The following MBTPS1 variants were observed in gnomAD, a reference collection of about 807,000 sequenced individuals.
The protein encoded by MBTPS1 is membrane bound transcription factor peptidase, site 1, also known as membrane-bound transcription factor site-1 protease.
MBTPS1 carries 94 observed loss-of-function variants against 127.8 expected under a neutral mutation model. The ratio of observed to expected loss-of-function variants is 0.74; its 90% CI spans 0.62 to 0.87. MBTPS1 has a LOEUF of 0.87. Among genes scored for constraint, MBTPS1 ranks in the 40% least tolerant of loss-of-function variants. The pLI is 0.00. For missense variants in MBTPS1, 1,636 were observed against 1,353.2 expected, an observed-to-expected ratio of 1.21 and a Z score of -3.28; for synonymous variants, 632 against 509.4, an observed-to-expected ratio of 1.24 and a Z score of -3.24.
intron 12 of MBTPS1, chr16:84,072,028 C>G (rs755232759): frequency 6.6e-6 from 1 of 152,286 alleles, no homozygotes; most frequent in Non-Finnish European, 1.5e-5. Flanking sequence ...TTACCCCCAT[C>G]TAAGCTGAAA....
intron 11 of MBTPS1, 192 bp from the exon 12 acceptor site, chr16:84,074,933 C>T (rs1036240366): frequency 4.1e-6 from 2 of 482,812 alleles, no homozygotes; most frequent in Non-Finnish European, 3.7e-6. Context: ...TGCCAGCCTG[C>T]TGTCTATACA....
At chr16:84,094,702 G>T (rs1567497260) in intron 4 of MBTPS1, among the ~76,000 whole-genome samples, 1 of 152,122 alleles carries the variant, frequency 6.6e-6, no homozygotes, top group Non-Finnish European at 1.5e-5. Context: ...CATTTGGTTT[G>T]GGGGGAATAA....
chr16:84,070,635 C>T lies in MBTPS1; in HGVS notation c.1735G>A (p.Ala579Thr), dbSNP rs201535353. ...ACAGTGATCATGACATGGCCCTGAG[C>T]AATGCCTTCCCAGGAAGCCGCTTTC... ...TKKAASWEGI[A>T]QGHVMITVAS... The change falls in exon 13 of 23, where the codon GCT becomes ACT. Residue 579 changes from alanine (A) to threonine (T), a missense_variant. Ala to Thr is a moderately conservative substitution (Grantham distance 58, BLOSUM62 0). Transcript: ENST00000343411. 195 of 1,613,382 alleles carry T rather than the reference C, an allele frequency of 1.2e-4. No homozygotes were observed. Among genetic ancestry groups the T allele is most frequent in the Non-Finnish European group, 1.6e-4 (185 of 1,179,926 alleles).
intron 22 of MBTPS1, 39 bp downstream of exon 22, chr16:84,055,966 G>C (rs751034901): frequency 6.3e-7 from 1 of 1,595,956 alleles, no homozygotes; most frequent in Non-Finnish European, 8.6e-7. Flanking sequence ...ACAAAATACA[G>C]GATGACTGAG....
At chr16:84,114,738 G>A (rs1200857074) in intron 1 of MBTPS1, among the ~76,000 whole-genome samples, 1 of 150,718 alleles carries the variant, frequency 6.6e-6, no homozygotes, top group Non-Finnish European at 1.5e-5. Context: ...GCTGAGGCAG[G>A]AGAATCGCTT....
chr16:84,081,120 T>G (rs2085933948), intron 11 of MBTPS1, among the ~76,000 whole-genome samples: 1 of 152,208 alleles, frequency 6.6e-6, no homozygotes. Context: ...CAAGGTTCAT[T>G]TCCAGACTCT....
intron 18 of MBTPS1, among the ~76,000 whole-genome samples, chr16:84,065,358 CT>C (rs1319955980): frequency 5.9e-5 from 9 of 152,148 alleles, no homozygotes; most frequent in African/African-American, 2.2e-4. Flanking sequence ...ACCTCATGAT[CT>C]GCCTGCCTCA....
At chr16:84,113,767 C>G (rs1174569113) in intron 1 of MBTPS1, among the ~76,000 whole-genome samples, 1 of 152,174 alleles carries the variant, frequency 6.6e-6, no homozygotes, top group Admixed American at 6.5e-5. Flanking sequence ...AACTAGTTTA[C>G]TAAAATAGCT....
Position 84,066,752 on chromosome 16 carries a change from G to GGCT in MBTPS1, c.2229-140_2229-139insAGC. The GGCT allele has an allele frequency of 3.6e-6, 3 of 838,508 alleles. No individual in the cohort carries two copies. In the Admixed American group the frequency reaches 8.8e-5, roughly 25 times the overall value. 51.9% of individuals were successfully genotyped at this position (838,508 alleles called of 1,614,324 possible). On this transcript the variant is annotated intron_variant, in intron 16 of 22. Transcript: ENST00000343411. ...ACTAAGGCTTCAACTGAAACCAACT[G>GGCT]TCTGGGTTTGGGTAAAACTGCAAAT...
chr16:84,090,958 T>C lies in MBTPS1; in HGVS notation c.964-16A>G. On this transcript the variant is annotated splice_polypyrimidine_tract_variant and intron_variant, in intron 7 of 22. Coordinates refer to ENST00000343411, the MANE Select transcript of MBTPS1 (RefSeq NM_003791.4). ...ATTCCCACACCTACAAAAGGAGCAT[T>C]TATTTAATGAAAGTATCCCTTTCAT... 6.3e-7 allele frequency: 1 copy of C among 1,577,522 alleles called. No individual in the cohort carries two copies. The highest frequency in any genetic ancestry group is 8.7e-7 in the Non-Finnish European group (1 of 1,148,900).
rs202232986 is a variant in MBTPS1, at chr16:84,091,876, A to C, written c.847-28T>G. 3.9e-6 allele frequency: 5 copies of C among 1,291,742 alleles called. No individual in the cohort carries two copies. In the East Asian group the frequency reaches 1.2e-4, roughly 30 times the overall value. The allele number at this position is 1,291,742 out of a possible 1,614,324, so 80.0% of individuals were successfully genotyped here. ...AGTTAAATATTATAACAGTCTGCTT[A>C]GTGTTTCAATCAAGTTTTAAAGTGC... On this transcript the variant is annotated intron_variant, in intron 6 of 22. Coordinates refer to ENST00000343411, the MANE Select transcript of MBTPS1 (RefSeq NM_003791.4).
chr16:84,064,762 A>T (rs915921884), intron 18 of MBTPS1, among the ~76,000 whole-genome samples: 15 of 152,252 alleles, frequency 9.9e-5, no homozygotes, highest in African/African-American at 3.1e-4. Context: ...TAAAGGTGAA[A>T]TATAACCTAT....
At position 84,063,182 on chromosome 16, in the gene MBTPS1, G is replaced by A. The variant is rs557168662; in HGVS notation, c.2572+123C>T. 6 of 1,004,482 alleles carry A rather than the reference G, an allele frequency of 6.0e-6. No homozygotes were observed. The South Asian group carries it at 8.2e-5, about 14-fold the overall frequency. The allele number at this position is 1,004,482 out of a possible 1,614,324, so 62.2% of individuals were successfully genotyped here. A position where few individuals can be genotyped will look rare whatever the true frequency, so the allele number is the denominator to read the frequency against. On this transcript the variant is annotated intron_variant, in intron 19 of 22. Coordinates refer to ENST00000343411, the MANE Select transcript of MBTPS1 (RefSeq NM_003791.4). ...CAAAGTGACTGCAACATCTCCAGCT[G>A]AGCCTGGCTCAAGTGAACAGATGTC...
chr16:84,096,216 T>A (rs1459923042), intron 3 of MBTPS1, among the ~76,000 whole-genome samples: 1 of 152,148 alleles, frequency 6.6e-6, no homozygotes, highest in African/African-American at 2.4e-5. Context: ...TTACTATAAG[T>A]TTCACTAGAT....
chr16:84,070,436 C>T (rs547474850), intron 13 of MBTPS1, 152 bp downstream of exon 13: 13 of 735,020 alleles, frequency 1.8e-5, no homozygotes, highest in African/African-American at 7.1e-5. Context: ...CCAGCTGCTC[C>T]GGAGGCCCTG....
intron 11 of MBTPS1, among the ~76,000 whole-genome samples, chr16:84,076,154 A>C (rs1012300643): frequency 2.0e-5 from 3 of 152,238 alleles, no homozygotes; most frequent in African/African-American, 7.2e-5. Flanking sequence ...TAAACCATAT[A>C]TATTAATAGG....
chr16:84,092,806 G>A (rs1177797479), intron 6 of MBTPS1, among the ~76,000 whole-genome samples: 1 of 152,184 alleles, frequency 6.6e-6, no homozygotes, highest in Admixed American at 6.5e-5. Context: ...AGCTCAAGGT[G>A]GTAGGAACCC....
chr16:84,070,059 C>T (rs1388188562), intron 13 of MBTPS1, 21 bp from the exon 14 acceptor site: 1 of 1,551,184 alleles, frequency 6.4e-7, no homozygotes. Context: ...AGAAAAGAAA[C>T]TTGAAACGCC....
chr16:84,059,661 T>C (rs2085576702), intron 20 of MBTPS1: 1 of 402,478 alleles, frequency 2.5e-6, no homozygotes, highest in Non-Finnish European at 4.6e-6. Context: ...ACCGTTCCCT[T>C]GAAGATGGGC....
Sources: gnomAD v4.1 joint callset for allele counts (sites outside exome capture counted in the v4.1 genomes callset) on GRCh38, gnomAD v4.1.1 for gene constraint, MANE v1.5 for transcripts, NCBI Gene and HGNC (gene_info 2026-07-23, HGNC 2026-07-21) for gene names.